The following STAG3 variants were observed in gnomAD, a reference collection of about 807,000 sequenced individuals.
STAG3 encodes the protein cohesin subunit SA-3.
A neutral mutation model predicts 160.7 loss-of-function variants in STAG3; 101 were observed. The observed-to-expected ratio is 0.63, with a 90% CI of 0.54 to 0.74. The LOEUF is 0.74. Ranked by LOEUF, STAG3 falls within the 30% of genes least tolerant of loss-of-function variation. The pLI is 0.00. For missense variants in STAG3, 1,188 were observed against 1,517.4 expected (o/e 0.78, Z 3.61); for synonymous variants, 519 against 585.0 (o/e 0.89, Z 1.63).
At chr7:100,192,037 C>T (rs1361664861) in intron 8 of STAG3, among the ~76,000 whole-genome samples, 2 of 152,188 alleles carry the variant, frequency 1.3e-5, no homozygotes, top group Non-Finnish European at 2.9e-5. Flanking sequence ...CATGAAATTG[C>T]AGCAATTCAG....
downstream of STAG3, chr7:100,218,877 G>A (rs1803000798): frequency 1.4e-5 from 3 of 212,474 alleles, no homozygotes; most frequent in South Asian, 1.4e-4. Flanking sequence ...CAGATTCACC[G>A]ATTCACCCCT....
chr7:100,193,939 CTTTTTTTTTTT>C (rs57044186), intron 8 of STAG3, among the ~76,000 whole-genome samples: 18 of 121,986 alleles, frequency 1.5e-4, no homozygotes, highest in African/African-American at 4.5e-4. Flanking sequence ...TTAATCATTT[CTTTTTTTTTTT>C]TTTTTTTTTC....
chr7:100,198,556 T>G lies in STAG3; in HGVS notation c.1326T>G (p.Ser442=). ...ATGCCTCTCATCGAGGCCTGGCCTCTGCCGCAGGCGAATTTCTGTACTGGA... is the reference window on the plus strand; with the variant it reads ...ATGCCTCTCATCGAGGCCTGGCCTCGGCCGCAGGCGAATTTCTGTACTGGA... ...VVYASHRGLA[S]AAGEFLYWKL... Residue 442 remains serine, a synonymous_variant, in exon 13 of 34, where the codon TCT becomes TCG. Transcript: ENST00000615138. 1 of 1,614,058 alleles carries G rather than the reference T, an allele frequency of 6.2e-7. No homozygotes were observed. Among genetic ancestry groups the G allele is most frequent in the Admixed American group, 1.7e-5 (1 of 60,026 alleles).
chr7:100,211,652 A>C, intron 31 of STAG3, 113 bp downstream of exon 31: 2 of 1,421,162 alleles, frequency 1.4e-6, no homozygotes, highest in Non-Finnish European at 2.0e-6. Flanking sequence ...TGTTTTAGCC[A>C]CAGAGCACTT....
intron 17 of STAG3, 40 bp downstream of exon 17, chr7:100,200,368 T>TG: frequency 6.2e-7 from 1 of 1,612,608 alleles, no homozygotes; most frequent in Non-Finnish European, 8.5e-7. Context: ...CCAAGAGAAG[T>TG]GAAAGGAAAT....
intron 3 of STAG3, among the ~76,000 whole-genome samples, chr7:100,182,519 A>T (rs1262810056): frequency 6.6e-6 from 1 of 152,094 alleles, no homozygotes; most frequent in East Asian, 1.9e-4. Context: ...CAGGAAGGGG[A>T]CTCAAGGACT....
At chr7:100,212,896 C>T (rs1214390131) in intron 32 of STAG3, 1 of 152,260 alleles carries the variant, frequency 6.6e-6, no homozygotes, top group Non-Finnish European at 1.5e-5. Context: ...AAAAAAAAAT[C>T]AACAATTCAA....
intron 1 of STAG3, among the ~76,000 whole-genome samples, chr7:100,179,639 T>G (rs1799514327): frequency 6.6e-6 from 1 of 152,200 alleles, no homozygotes; most frequent in African/African-American, 2.4e-5. Context: ...GGTGTGTGAC[T>G]TCCTCAGCTT....
chr7:100,182,607 T>G, intron 3 of STAG3, 116 bp from the exon 4 acceptor site: 1 of 986,336 alleles, frequency 1.0e-6, no homozygotes, highest in East Asian at 2.4e-5. Context: ...ACTCAGACTC[T>G]GCTGTGGAAT....
intron 4 of STAG3, among the ~76,000 whole-genome samples, chr7:100,185,208 CTAAT>C (rs1304560653): frequency 3.3e-5 from 5 of 152,184 alleles, no homozygotes; most frequent in Non-Finnish European, 5.9e-5. Context: ...CCATGCCTGA[CTAAT>C]TATTCTGTTT....
intron 12 of STAG3, 129 bp downstream of exon 12, chr7:100,198,295 G>C (rs1800826182): frequency 9.4e-7 from 1 of 1,065,596 alleles, no homozygotes; most frequent in African/African-American, 1.6e-5. Context: ...GTTGCAGTAT[G>C]TTGAGGGGGT....
In STAG3 at chr7:100,202,441, C is replaced by G; in HGVS notation, c.2564-13C>G. 1 of 1,611,824 alleles carries G rather than the reference C, an allele frequency of 6.2e-7. No individual in the cohort carries two copies. The highest frequency in any genetic ancestry group is 1.7e-5 in the Admixed American group (1 of 59,812). ...TAAGTCTGTGATTCCCTTTTGCCTT[C>G]CATGTGAGCCAGGTGATTCCCAGGA... On this transcript the variant is annotated splice_polypyrimidine_tract_variant and intron_variant, in intron 24 of 33. Coordinates refer to ENST00000615138, the MANE Select transcript of STAG3 (RefSeq NM_001282717.2).
In STAG3 at chr7:100,201,324, T is replaced by C; in HGVS notation, c.2193T>C (p.Ala731=). Residue 731 remains alanine, a synonymous_variant, in exon 21 of 34, where the codon GCT becomes GCC. Transcript: ENST00000615138. ...YEPCCQLLQK[A]VDTGEVPHQV... is the part of the protein sequence containing the mutation. ...CATGTTGCCAACTCCTGCAGAAGGC[T>C]GTGGACACAGGAGAGGTTCCTCACC... 6.2e-7 allele frequency: 1 copy of C among 1,614,130 alleles called. No homozygotes were observed. Among genetic ancestry groups the C allele is most frequent in the Non-Finnish European group, 8.5e-7 (1 of 1,180,014 alleles).
At chr7:100,190,969 G>A (rs1191324345) in intron 8 of STAG3, among the ~76,000 whole-genome samples, 1 of 152,102 alleles carries the variant, frequency 6.6e-6, no homozygotes, top group African/African-American at 2.4e-5. Context: ...AAAGACTTAA[G>A]TATGTCCTGT....
chr7:100,213,338 T>C, intron 32 of STAG3: 1 of 985,372 alleles, frequency 1.0e-6, no homozygotes, highest in Non-Finnish European at 1.2e-6. Context: ...CTGCTGTTAT[T>C]CTTCTGTTCT....
chr7:100,213,965 G>A (rs769220251), intron 33 of STAG3, 42 bp from the exon 34 acceptor site: 21 of 1,614,014 alleles, frequency 1.3e-5, no homozygotes, highest in African/African-American at 8.0e-5. Context: ...CCATTGGCCC[G>A]TTGCTGTGTC....
intron 29 of STAG3, among the ~76,000 whole-genome samples, chr7:100,208,774 G>T (rs1322509694): frequency 6.6e-6 from 1 of 152,198 alleles, no homozygotes. Flanking sequence ...TCTTTAGAGA[G>T]TGTCAGATAG....
intron 1 of STAG3, among the ~76,000 whole-genome samples, chr7:100,179,232 G>C (rs1453434599): frequency 6.7e-6 from 1 of 149,388 alleles, no homozygotes; most frequent in Non-Finnish European, 1.5e-5. Flanking sequence ...TGTGTCTGAA[G>C]CTGCCCTGGT....
At chr7:100,198,779 T>C in intron 13 of STAG3, 64 bp from the exon 14 acceptor site, 2 of 1,450,110 alleles carry the variant, frequency 1.4e-6, no homozygotes, top group East Asian at 2.3e-5. Context: ...CTCCTCCCTC[T>C]GTGGTCGTTA....
Sources: gnomAD v4.1 joint callset for allele counts (sites outside exome capture counted in the v4.1 genomes callset) on GRCh38, gnomAD v4.1.1 for gene constraint, MANE v1.5 for transcripts, NCBI Gene and HGNC (gene_info 2026-07-23, HGNC 2026-07-21) for gene names.